Variants in SLCO2A1 observed in about 807,000 individuals in gnomAD.
The protein encoded by SLCO2A1 is solute carrier organic anion transporter family member 2A1.
Under a neutral mutation model 71.7 loss-of-function variants are expected in SLCO2A1, and 60 were observed. The observed-to-expected ratio is 0.84, with a 90% CI of 0.68 to 1.04. The LOEUF (loss-of-function observed/expected upper bound fraction) is 1.04. Ranked by LOEUF, SLCO2A1 falls within the 50% of genes least tolerant of loss-of-function variation. The probability of loss-of-function intolerance (pLI) is 0.00; values close to 1 mark genes in which losing one functional copy is unlikely to be tolerated. For synonymous variants in SLCO2A1, 308 were observed against 326.7 expected, an observed-to-expected ratio of 0.94 and a Z score of 0.62; for missense variants, 745 against 813.4, an observed-to-expected ratio of 0.92 and a Z score of 1.02.
chr3:133,941,985 A>AT (rs920875393), intron 11 of SLCO2A1, among the ~76,000 whole-genome samples: 16 of 150,696 alleles, frequency 1.1e-4, no homozygotes, highest in East Asian at 7.8e-4. Flanking sequence ...TAGGCTAGTG[A>AT]TTTTTTTTTT....
intron 11 of SLCO2A1, among the ~76,000 whole-genome samples, chr3:133,940,572 G>GCCC (rs1359678399): frequency 6.6e-6 from 1 of 152,152 alleles, no homozygotes; most frequent in Non-Finnish European, 1.5e-5. Flanking sequence ...CCTACTCTGT[G>GCCC]CCCTCTCCTC....
At chr3:134,011,089 T>C (rs757157927) in intron 1 of SLCO2A1, among the ~76,000 whole-genome samples, 6 of 152,196 alleles carry the variant, frequency 3.9e-5, no homozygotes, top group Non-Finnish European at 5.9e-5. Flanking sequence ...GCTCTGCTGT[T>C]GCCCAGGCTG....
intron 3 of SLCO2A1, among the ~76,000 whole-genome samples, chr3:133,970,772 A>G (rs1934304559): frequency 1.3e-5 from 2 of 152,138 alleles, no homozygotes; most frequent in South Asian, 4.1e-4. Flanking sequence ...ATTTGCACCA[A>G]TGAACAAGAA....
At chr3:133,991,688 T>C (rs1028376545) in intron 1 of SLCO2A1, among the ~76,000 whole-genome samples, 14 of 151,686 alleles carry the variant, frequency 9.2e-5, no homozygotes, top group Admixed American at 2.6e-4. Flanking sequence ...AAGAGGGGAG[T>C]GGCTAGGCTG....
chr3:133,945,850 A>G (rs1176216059), intron 9 of SLCO2A1, among the ~76,000 whole-genome samples: 1 of 152,118 alleles, frequency 6.6e-6, no homozygotes, highest in Non-Finnish European at 1.5e-5. Flanking sequence ...CAGATATTTC[A>G]CTAGTATAAT....
chr3:134,012,093 C>T (rs1234708966), intron 1 of SLCO2A1, among the ~76,000 whole-genome samples: 2 of 152,132 alleles, frequency 1.3e-5, no homozygotes, highest in Non-Finnish European at 2.9e-5. Context: ...AGCAATGAAA[C>T]CTTTGTGATC....
chr3:133,995,215 G>A (rs1274648930), intron 1 of SLCO2A1, among the ~76,000 whole-genome samples: 1 of 152,004 alleles, frequency 6.6e-6, no homozygotes, highest in African/African-American at 2.4e-5. Flanking sequence ...TGCCTGTTTT[G>A]TACTTTATAT....
intron 5 of SLCO2A1, among the ~76,000 whole-genome samples, chr3:133,952,682 C>A (rs1328463708): frequency 6.6e-6 from 1 of 152,208 alleles, no homozygotes; most frequent in East Asian, 1.9e-4. Context: ...CTCATCCATA[C>A]CACTTGTTGA....
At chr3:134,022,065 G>GAA (rs111423575) in intron 1 of SLCO2A1, among the ~76,000 whole-genome samples, 1 of 125,620 alleles carries the variant, frequency 8.0e-6, no homozygotes, top group East Asian at 2.2e-4. Flanking sequence ...TATCCTAAAG[G>GAA]AAAAAAAAAA....
At chr3:133,959,878 T>C (rs929502654) in intron 3 of SLCO2A1, among the ~76,000 whole-genome samples, 1 of 151,862 alleles carries the variant, frequency 6.6e-6, no homozygotes, top group Non-Finnish European at 1.5e-5. Flanking sequence ...CCCAGCACTT[T>C]GGGAGGCTGA....
chr3:134,015,437 T>TGGGTGGGGGG (rs1935428205), intron 1 of SLCO2A1, among the ~76,000 whole-genome samples: 1 of 13,514 alleles, frequency 7.4e-5, no homozygotes, highest in Admixed American at 1.1e-3. Context: ...AGGCTGGGGG[T>TGGGTGGGGGG]GGGGTGGGAG....
chr3:133,977,905 T>A (rs1934497304), intron 2 of SLCO2A1, among the ~76,000 whole-genome samples: 1 of 151,218 alleles, frequency 6.6e-6, no homozygotes, highest in Non-Finnish European at 1.5e-5. Flanking sequence ...ACCAGGAAGC[T>A]CAGGATAGCA....
intron 3 of SLCO2A1, among the ~76,000 whole-genome samples, chr3:133,965,527 T>C (rs1054304077): frequency 9.2e-5 from 14 of 152,168 alleles, no homozygotes; most frequent in Non-Finnish European, 1.5e-5. Context: ...AACTCAAAAT[T>C]AGACCCACGG....
At chr3:133,936,735 A>G (rs34678074) in intron 12 of SLCO2A1, among the ~76,000 whole-genome samples, 15,035 of 152,176 alleles carry the variant, frequency 0.099, 1,011 homozygotes, top group Non-Finnish European at 0.15. Flanking sequence ...AGCTGCTTCC[A>G]GAAGAAAGAC....
In SLCO2A1 at chr3:133,934,763, C is replaced by A. The variant is rs758793019; in HGVS notation, c.1882G>T (p.Val628Leu). Residue 628 changes from valine (V) to leucine (L), a missense_variant, in exon 14 of 14, where the codon GTG becomes TTG. Val to Leu is a conservative substitution (Grantham distance 32). Coordinates refer to ENST00000310926, the MANE Select transcript of SLCO2A1 (RefSeq NM_005630.3). ...ACGTTGTACTCCTTGTTCTTCTTCA[C>A]CCTCCAGCTGATGAAGCAAAGCAGC... ...MLLLCFISWR[V>L]KKNKEYNVQK... The A allele has an allele frequency of 1.7e-5, 27 of 1,613,480 alleles. No individual in the cohort carries two copies. Among genetic ancestry groups the A allele is most frequent in the Non-Finnish European group, 2.2e-5 (26 of 1,180,008 alleles).
At chr3:133,954,903 C>T (rs772009438) in intron 4 of SLCO2A1, 63 bp downstream of exon 4, 8 of 1,362,160 alleles carry the variant, frequency 5.9e-6, no homozygotes, top group Non-Finnish European at 7.2e-6. Context: ...GCCCCAGGGC[C>T]TCATCAAGTG....
intron 1 of SLCO2A1, among the ~76,000 whole-genome samples, chr3:133,992,995 T>G (rs1268484655): frequency 6.6e-6 from 1 of 152,216 alleles, no homozygotes; most frequent in East Asian, 1.9e-4. Context: ...TGTTAACACT[T>G]AAGCCGTCCA....
rs1933205985 is a variant in SLCO2A1, at chr3:133,934,046, C to T, written c.*667G>A. The T allele has an allele frequency of 6.6e-6, 1 of 152,280 alleles. No individual in the cohort carries two copies. The highest frequency in any genetic ancestry group is 1.5e-5 in the Non-Finnish European group (1 of 68,086). 9.4% of individuals were successfully genotyped at this position (152,280 alleles called of 1,614,324 possible). ...CTTAGATGACCCATCCTTGGGGTTT[C>T]TCAGTCCCTGCTCTGGTGCCTGCAT... On this transcript the variant is annotated 3_prime_UTR_variant, in exon 14 of 14. Transcript: ENST00000310926.
chr3:133,955,772 C>T (rs562586230), intron 3 of SLCO2A1, among the ~76,000 whole-genome samples: 1 of 152,212 alleles, frequency 6.6e-6, no homozygotes, highest in Non-Finnish European at 1.5e-5. Flanking sequence ...CCAAGTCACA[C>T]TGGAAGACCT....
Sources: allele counts gnomAD v4.1 joint callset (sites outside exome capture counted in the v4.1 genomes callset), GRCh38; gene constraint gnomAD v4.1.1; transcripts MANE v1.5; gene names NCBI Gene and HGNC (gene_info 2026-07-23, HGNC 2026-07-21).